The following DLGAP1 variants were observed in gnomAD, a reference collection of about 807,000 sequenced individuals.
DLGAP1 encodes DLG associated protein 1.
A neutral mutation model predicts 90.8 loss-of-function variants in DLGAP1; 11 were observed. The observed-to-expected ratio is 0.12, with a 90% CI of 0.08 to 0.20. The LOEUF (loss-of-function observed/expected upper bound fraction) is 0.20. Ranked by LOEUF, DLGAP1 falls within the 10% of genes least tolerant of loss-of-function variation. DLGAP1 has a pLI of 1.00. For synonymous variants in DLGAP1, 558 were observed against 540.7 expected, an observed-to-expected ratio of 1.03 and a Z score of -0.44; for missense variants, 1,050 against 1,333.8, an observed-to-expected ratio of 0.79 and a Z score of 3.31.
intron 3 of DLGAP1, among the ~76,000 whole-genome samples, chr18:4,000,839 C>CT (rs1227609052): frequency 1.3e-5 from 2 of 152,056 alleles, no homozygotes; most frequent in African/African-American, 2.4e-5. Context: ...CCAAAAAAAC[C>CT]TTTTTTCTTT....
intron 2 of DLGAP1, among the ~76,000 whole-genome samples, chr18:4,145,292 A>G (rs1028953828): frequency 4.6e-5 from 7 of 152,240 alleles, no homozygotes; most frequent in Admixed American, 4.6e-4. Flanking sequence ...GAAAAAATCA[A>G]GGTATCAAAT....
In DLGAP1 at chr18:3,793,537, C is replaced by T. The variant is rs935098317; in HGVS notation, c.1172+20522G>A. 3.3e-5 allele frequency among the ~76,000 whole-genome samples: 5 copies of T among 152,182 alleles called. No individual in the cohort carries two copies. The East Asian group carries it at 9.6e-4, about 29-fold the overall frequency. ...CTTGATAGAGCAGCCAGATTTATCC[C>T]CTTAAAGTGCTGGTCCTCCACCCAA... is the stretch of plus-strand genomic sequence containing the variant. On this transcript the variant is annotated intron_variant, in intron 5 of 12. Coordinates refer to ENST00000315677, the MANE Select transcript of DLGAP1 (RefSeq NM_004746.4).
chr18:4,115,723 C>CAAGA (rs1163110258), intron 2 of DLGAP1, among the ~76,000 whole-genome samples: 2 of 152,138 alleles, frequency 1.3e-5, no homozygotes, highest in Non-Finnish European at 2.9e-5. Context: ...CCTGACCTCC[C>CAAGA]AAAGTGCTGG....
intron 2 of DLGAP1, among the ~76,000 whole-genome samples, chr18:4,069,549 C>T (rs905917261): frequency 1.3e-5 from 2 of 152,086 alleles, no homozygotes; most frequent in Non-Finnish European, 2.9e-5. Context: ...GATGACTTTT[C>T]GTGAAATCTG....
At chr18:3,872,897 C>T (rs2148806796) in intron 4 of DLGAP1, among the ~76,000 whole-genome samples, 1 of 152,268 alleles carries the variant, frequency 6.6e-6, no homozygotes, top group Middle Eastern at 3.4e-3. Context: ...TCACTCTTTG[C>T]TAACTAATGC....
At chr18:4,194,803 C>G (rs1461662629) in intron 1 of DLGAP1, among the ~76,000 whole-genome samples, 1 of 151,972 alleles carries the variant, frequency 6.6e-6, no homozygotes, top group African/African-American at 2.4e-5. Flanking sequence ...TTTTGAGTAA[C>G]AAATCATAAC....
At chr18:3,669,630 G>A (rs150424220) in intron 7 of DLGAP1, among the ~76,000 whole-genome samples, 1 of 152,314 alleles carries the variant, frequency 6.6e-6, no homozygotes, top group Non-Finnish European at 1.5e-5. Flanking sequence ...GTTGGTCCGG[G>A]GCAGTCAGAG....
chr18:4,398,888 G>A (rs543987276), intron 1 of DLGAP1, among the ~76,000 whole-genome samples: 2 of 152,226 alleles, frequency 1.3e-5, no homozygotes, highest in South Asian at 2.1e-4. Flanking sequence ...CTGGAGTGCC[G>A]TGGCGTGATC....
At chr18:3,692,469 C>T (rs566783232) in intron 7 of DLGAP1, among the ~76,000 whole-genome samples, 45 of 152,304 alleles carry the variant, frequency 3.0e-4, no homozygotes, top group African/African-American at 9.9e-4. Context: ...TGACAATGTA[C>T]ACAATGGCCT....
intron 7 of DLGAP1, among the ~76,000 whole-genome samples, chr18:3,651,044 G>T (rs555624751): frequency 6.6e-6 from 1 of 150,548 alleles, no homozygotes; most frequent in African/African-American, 2.4e-5. Context: ...CCAGCCTGGC[G>T]ACAGAGCCAG....
Position 4,377,089 on chromosome 18 carries a change from C to A in DLGAP1, c.-267+77917G>T, listed in dbSNP as rs149998584. Reference sequence around the variant, plus strand: ...CTGTGACTCTGCCATACAAGCCAGGCATTTCCAAGAGCTCGGAAGTCACTG... The same window carrying A: ...CTGTGACTCTGCCATACAAGCCAGGAATTTCCAAGAGCTCGGAAGTCACTG... On this transcript the variant is annotated intron_variant, in intron 1 of 12. Coordinates refer to ENST00000315677, the MANE Select transcript of DLGAP1 (RefSeq NM_004746.4). 3.7e-4 allele frequency among the ~76,000 whole-genome samples: 56 copies of A among 152,174 alleles called. 2 individuals carry two copies. Among genetic ancestry groups the A allele is most frequent in the African/African-American group, 1.3e-3 (52 of 41,524 alleles).
intron 8 of DLGAP1, among the ~76,000 whole-genome samples, chr18:3,572,210 C>T (rs1283864440): frequency 1.3e-5 from 2 of 151,586 alleles, no homozygotes; most frequent in Non-Finnish European, 2.9e-5. Flanking sequence ...TCCCGGTTTC[C>T]GCTAGAATTT....
At chr18:3,919,886 G>T (rs2148909237) in intron 3 of DLGAP1, among the ~76,000 whole-genome samples, 1 of 152,332 alleles carries the variant, frequency 6.6e-6, no homozygotes, top group African/African-American at 2.4e-5. Context: ...ACAAAGATAA[G>T]AAAGAGTGAA....
chr18:3,753,304 C>T (rs535115249), intron 5 of DLGAP1, among the ~76,000 whole-genome samples: 75 of 152,262 alleles, frequency 4.9e-4, no homozygotes, highest in African/African-American at 1.8e-3. Context: ...CAGATGGCAG[C>T]CTTGCAGCCA....
At chr18:3,741,846 T>C (rs2063064965) in intron 6 of DLGAP1, among the ~76,000 whole-genome samples, 1 of 136,664 alleles carries the variant, frequency 7.3e-6, no homozygotes, top group Non-Finnish European at 1.5e-5. Context: ...TTTTTCTTTT[T>C]CTTTTTTTTT....
intron 8 of DLGAP1, 116 bp downstream of exon 8, chr18:3,581,759 T>C (rs914590958): frequency 3.0e-6 from 4 of 1,343,574 alleles, no homozygotes; most frequent in South Asian, 1.3e-5. Flanking sequence ...AATCTGGTCC[T>C]ATGCATAGAT....
intron 3 of DLGAP1, among the ~76,000 whole-genome samples, chr18:3,924,687 C>T (rs1339931350): frequency 6.6e-6 from 1 of 152,174 alleles, no homozygotes; most frequent in Admixed American, 6.5e-5. Context: ...GCAGCCAAAT[C>T]TGTTTCCAGG....
chr18:3,635,206 C>T (rs1489645409), intron 7 of DLGAP1, among the ~76,000 whole-genome samples: 1 of 151,222 alleles, frequency 6.6e-6, no homozygotes, highest in Non-Finnish European at 1.5e-5. Context: ...TCTCGGCTCA[C>T]TGCAAGCTCC....
chr18:4,357,796 T>A (rs1486655559), intron 1 of DLGAP1, among the ~76,000 whole-genome samples: 1 of 152,182 alleles, frequency 6.6e-6, no homozygotes, highest in Non-Finnish European at 1.5e-5. Context: ...CAGGCCCCTT[T>A]GGAGGGCAGG....
Sources: allele counts gnomAD v4.1 joint callset (sites outside exome capture counted in the v4.1 genomes callset), GRCh38; gene constraint gnomAD v4.1.1; transcripts MANE v1.5; gene names NCBI Gene and HGNC (gene_info 2026-07-23, HGNC 2026-07-21).